Variants in RFC1 observed in about 807,000 individuals in gnomAD.
RFC1 encodes the protein replication factor C subunit 1.
In RFC1, 37 loss-of-function variants were observed where a neutral mutation model predicts 137.4. The observed-to-expected ratio is 0.27, with a 90% confidence interval of 0.21 to 0.35. The LOEUF is 0.35. Ranked by LOEUF, RFC1 falls within the 10% of genes least tolerant of loss-of-function variation. The pLI is 1.00. For synonymous variants in RFC1, 429 were observed against 455.7 expected (o/e 0.94, Z 0.75); for missense variants, 1,205 against 1,358.5 (o/e 0.89, Z 1.78).
chr4:39,299,262 TG>T (rs1351653710), intron 21 of RFC1, among the ~76,000 whole-genome samples: 1 of 152,180 alleles, frequency 6.6e-6, no homozygotes, highest in Non-Finnish European at 1.5e-5. Flanking sequence ...ATGACTGGCT[TG>T]CTGTTAATAA....
chr4:39,323,077 CAAATA>C, intron 7 of RFC1: 1 of 207,452 alleles, frequency 4.8e-6, no homozygotes, highest in East Asian at 1.1e-4. Context: ...GTCTCTAAAA[CAAATA>C]AAATAAAATA....
intron 1 of RFC1, among the ~76,000 whole-genome samples, chr4:39,364,395 GTATAA>G (rs1399268847): frequency 6.6e-6 from 1 of 152,092 alleles, no homozygotes; most frequent in African/African-American, 2.4e-5. Flanking sequence ...TTAAATATCA[GTATAA>G]TACAAAATTC....
At chr4:39,358,330 G>T (rs890408613) in intron 1 of RFC1, among the ~76,000 whole-genome samples, 1 of 151,932 alleles carries the variant, frequency 6.6e-6, no homozygotes, top group Admixed American at 6.6e-5. Flanking sequence ...TAAAATAACT[G>T]TATTTCTCTA....
At chr4:39,343,311 C>A (rs1009585975) in intron 3 of RFC1, among the ~76,000 whole-genome samples, 18 of 152,222 alleles carry the variant, frequency 1.2e-4, no homozygotes, top group Admixed American at 2.6e-4. Context: ...GCAAGAGCCA[C>A]CACGCCTGGC....
At chr4:39,361,934 G>A (rs1354611412) in intron 1 of RFC1, among the ~76,000 whole-genome samples, 2 of 152,100 alleles carry the variant, frequency 1.3e-5, no homozygotes, top group Admixed American at 1.3e-4. Flanking sequence ...AGCTACTCGG[G>A]AGGCTGAGGC....
intron 22 of RFC1, among the ~76,000 whole-genome samples, chr4:39,293,216 G>C (rs748559323): frequency 9.9e-5 from 15 of 152,148 alleles, no homozygotes; most frequent in Non-Finnish European, 1.9e-4. Flanking sequence ...GTACTTAAAG[G>C]AAGCAGTGTG....
At chr4:39,313,113 T>C (rs1196611817) in intron 10 of RFC1, among the ~76,000 whole-genome samples, 182 bp from the exon 11 acceptor site, 1 of 152,186 alleles carries the variant, frequency 6.6e-6, no homozygotes, top group Non-Finnish European at 1.5e-5. Context: ...CTAAGAAATT[T>C]TGATATGGCT....
Position 39,324,034 on chromosome 4 carries a change from A to G in RFC1, c.643-617T>C, listed in dbSNP as rs150584993. On this transcript the variant is annotated intron_variant, in intron 6 of 24. Coordinates refer to ENST00000349703, the MANE Select transcript of RFC1 (RefSeq NM_002913.5). ...ACATTCTAGTTATCTCAGTTATTTC[A>G]AAATACTTTCACATTCAGCAAAATG... Among the ~76,000 whole-genome samples, 292 of 152,306 alleles carry G rather than the reference A, an allele frequency of 1.9e-3. 2 individuals are homozygous for G. Among genetic ancestry groups the G allele is most frequent in the African/African-American group, 6.6e-3 (275 of 41,566 alleles).
intron 3 of RFC1, among the ~76,000 whole-genome samples, chr4:39,344,843 A>G (rs1435449405): frequency 6.6e-6 from 1 of 152,184 alleles, no homozygotes; most frequent in African/African-American, 2.4e-5. Flanking sequence ...AGTTTGACAA[A>G]TGCTGCATAC....
intron 21 of RFC1, among the ~76,000 whole-genome samples, chr4:39,299,694 A>G (rs1738242807): frequency 6.6e-6 from 1 of 152,116 alleles, no homozygotes; most frequent in African/African-American, 2.4e-5. Context: ...ACAGAGTATT[A>G]TAATCTGTAA....
chr4:39,345,171 C>T (rs1041851401), intron 3 of RFC1, among the ~76,000 whole-genome samples: 35 of 152,050 alleles, frequency 2.3e-4, no homozygotes, highest in Non-Finnish European at 4.7e-4. Context: ...CGTGCCACCA[C>T]GCCCAGCTAA....
At chr4:39,294,319 T>C (rs1367019310) in intron 22 of RFC1, among the ~76,000 whole-genome samples, 5 of 152,190 alleles carry the variant, frequency 3.3e-5, no homozygotes, top group Non-Finnish European at 5.9e-5. Context: ...GATCAAATAT[T>C]AATATTCCTT....
intron 3 of RFC1, 124 bp downstream of exon 3, chr4:39,345,277 A>G: frequency 1.4e-6 from 1 of 700,226 alleles, no homozygotes; most frequent in Non-Finnish European, 2.3e-6. Context: ...TGCCTCCCAA[A>G]GTGCTGCGAT....
intron 4 of RFC1, among the ~76,000 whole-genome samples, chr4:39,328,719 AT>A: frequency 6.6e-6 from 1 of 152,284 alleles, no homozygotes; most frequent in South Asian, 2.1e-4. Context: ...TTTAGTCTTT[AT>A]TATAGAACGG....
chr4:39,331,299 G>A (rs1181472370), intron 4 of RFC1, among the ~76,000 whole-genome samples: 1 of 152,176 alleles, frequency 6.6e-6, no homozygotes, highest in Non-Finnish European at 1.5e-5. Flanking sequence ...AACTTAAATT[G>A]TCTCTGAAAT....
chr4:39,318,593 T>C (rs1271340803), intron 9 of RFC1, among the ~76,000 whole-genome samples: 9 of 152,242 alleles, frequency 5.9e-5, no homozygotes, highest in Non-Finnish European at 1.5e-5. Context: ...TTATTTCTAT[T>C]CTAACTTTAA....
chr4:39,341,390 C>T (rs767953704), intron 4 of RFC1: 4 of 346,164 alleles, frequency 1.2e-5, no homozygotes, highest in Non-Finnish European at 1.7e-5. Flanking sequence ...TATTTAGCAA[C>T]AGCACAAAAA....
intron 1 of RFC1, among the ~76,000 whole-genome samples, chr4:39,363,645 A>C (rs1741868799): frequency 6.7e-6 from 1 of 148,888 alleles, no homozygotes; most frequent in African/African-American, 2.5e-5. Context: ...CCGGCACTTT[A>C]AGAGGCTGAG....
At position 39,288,605 on chromosome 4, in the gene RFC1, C is replaced by T. The variant is rs867498222; in HGVS notation, c.*156G>A. 6 of 619,808 alleles carry T rather than the reference C, an allele frequency of 9.7e-6. No individual in the cohort carries two copies. The Middle Eastern group carries it at 1.6e-3, about 161-fold the overall frequency. The allele number at this position is 619,808 out of a possible 1,614,324, so 38.4% of individuals were successfully genotyped here. A position where few individuals can be genotyped will look rare whatever the true frequency, so the allele number is the denominator to read the frequency against. ...GTGTACATAAGCCTACTGCTCATACCCTTCTAGCCATACCACCCTTTATTT... is the reference window on the plus strand; with the variant it reads ...GTGTACATAAGCCTACTGCTCATACTCTTCTAGCCATACCACCCTTTATTT... On this transcript the variant is annotated 3_prime_UTR_variant, in exon 25 of 25. Coordinates refer to ENST00000349703, the MANE Select transcript of RFC1 (RefSeq NM_002913.5).
Sources: gnomAD v4.1 joint callset for allele counts (sites outside exome capture counted in the v4.1 genomes callset) on GRCh38, gnomAD v4.1.1 for gene constraint, MANE v1.5 for transcripts, NCBI Gene and HGNC (gene_info 2026-07-23, HGNC 2026-07-21) for gene names.